STEAP4: variants seen among roughly 807,000 people sequenced by gnomAD.
STEAP4 encodes the protein STEAP4 metalloreductase.
In STEAP4, 36 loss-of-function variants were observed where a neutral mutation model predicts 43.6. The observed-to-expected ratio is 0.83, with a 90% CI of 0.63 to 1.09. The LOEUF (loss-of-function observed/expected upper bound fraction) is 1.09, where lower values mean the gene tolerates loss of function less well. Ranked by LOEUF, STEAP4 falls within the 50% of genes least tolerant of loss-of-function variation. STEAP4 has a pLI of 0.00. For synonymous variants in STEAP4, 191 were observed against 196.7 expected (o/e 0.97, Z 0.24); for missense variants, 495 against 546.5 (o/e 0.91, Z 0.94).
chr7:88,299,966 G>A (rs551856615), intron 1 of STEAP4, among the ~76,000 whole-genome samples: 2 of 152,152 alleles, frequency 1.3e-5, no homozygotes, highest in Non-Finnish European at 2.9e-5. Flanking sequence ...CTTCTAATAC[G>A]GCACTCAGAG....
In STEAP4 at chr7:88,274,713, C is replaced by G. The variant is rs1400279068; in HGVS notation, c.*4685G>C. 6.6e-6 allele frequency: 1 copy of G among 152,134 alleles called. No individual in the cohort carries two copies. Among genetic ancestry groups the G allele is most frequent in the African/African-American group, 2.4e-5 (1 of 41,416 alleles). The allele number at this position is 152,134 out of a possible 1,614,324, so 9.4% of individuals were successfully genotyped here. A position where few individuals can be genotyped will look rare whatever the true frequency, so the allele number is the denominator to read the frequency against. ...GTTATAGTTATTTCTTGATTATATG[C>G]TAAACAAGGGATGGATTATTCATGA... is the stretch of plus-strand genomic sequence containing the variant. On this transcript the variant is annotated 3_prime_UTR_variant, in exon 5 of 5. Transcript: ENST00000380079.
chr7:88,289,836 C>T (rs1283862523), intron 1 of STEAP4, among the ~76,000 whole-genome samples: 2 of 152,174 alleles, frequency 1.3e-5, no homozygotes, highest in Non-Finnish European at 1.5e-5. Context: ...AAATTTCTTA[C>T]TAGCATCTGC....
Position 88,272,413 on chromosome 7 carries a change from T to C in STEAP4, c.*6985A>G, listed in dbSNP as rs1472680513. On this transcript the variant is annotated 3_prime_UTR_variant, in exon 5 of 5. Transcript: ENST00000380079. ...CTACTCCATTCCCAGTATCTAATAA[T>C]TTGATGATTTTTAACTTCCAGTATA... 11 of 152,166 alleles carry C rather than the reference T, an allele frequency of 7.2e-5. No individual in the cohort carries two copies. The highest frequency in any genetic ancestry group is 1.6e-4 in the Non-Finnish European group (11 of 68,028). The allele number at this position is 152,166 out of a possible 1,614,324, so 9.4% of individuals were successfully genotyped here. A position where few individuals can be genotyped will look rare whatever the true frequency, so the allele number is the denominator to read the frequency against.
chr7:88,292,559 A>G (rs1852852445), intron 1 of STEAP4: 1 of 152,152 alleles, frequency 6.6e-6, no homozygotes, highest in African/African-American at 2.4e-5. Context: ...GTTTTATGCC[A>G]CTAGAGTACA....
At chr7:88,282,555 G>A in intron 3 of STEAP4, 86 bp downstream of exon 3, 1 of 1,265,826 alleles carries the variant, frequency 7.9e-7, no homozygotes, top group African/African-American at 1.5e-5. Flanking sequence ...TTAGAAGAGT[G>A]ACTTTCTATA....
rs548280316 is a variant in STEAP4, at chr7:88,279,274, G to C, written c.*124C>G. 2.6e-6 allele frequency: 2 copies of C among 773,228 alleles called. No homozygotes were observed. Among genetic ancestry groups the C allele is most frequent in the Non-Finnish European group, 2.1e-6 (1 of 482,786 alleles). 47.9% of individuals were successfully genotyped at this position (773,228 alleles called of 1,614,324 possible). On this transcript the variant is annotated 3_prime_UTR_variant, in exon 5 of 5. Coordinates refer to ENST00000380079, the MANE Select transcript of STEAP4 (RefSeq NM_024636.4). ...GACAAGCAATGTTTCCCTCAGTCAC[G>C]GTGTAAGAAAAAAACTTTCCTAACT...
intron 4 of STEAP4, 127 bp from the exon 5 acceptor site, chr7:88,279,755 T>A: frequency 1.4e-6 from 1 of 732,830 alleles, no homozygotes; most frequent in Non-Finnish European, 2.2e-6. Context: ...TAGGACACTT[T>A]GCCAAGTACT....
intron 1 of STEAP4, 58 bp from the exon 2 acceptor site, chr7:88,284,329 TAA>T: frequency 3.4e-6 from 4 of 1,184,282 alleles, no homozygotes; most frequent in East Asian, 2.4e-5. Flanking sequence ...CCTGGAAAAT[TAA>T]AGAGAGCTAT....
Position 88,279,451 on chromosome 7 carries a change from C to A in STEAP4, c.1327G>T (p.Asp443Tyr). 6.2e-7 allele frequency: 1 copy of A among 1,614,062 alleles called. No individual in the cohort carries two copies. Among genetic ancestry groups the A allele is most frequent in the South Asian group, 1.1e-5 (1 of 91,074 alleles). Residue 443 changes from aspartate (D) to tyrosine (Y), a missense_variant, in exon 5 of 5, where the codon GAC becomes TAC. Asp to Tyr is a radical substitution (Grantham distance 160). Transcript: ENST00000380079. Reference protein sequence around the residue: ...IKFVLIMPCVDNTLTRIRQGW... With the variant: ...IKFVLIMPCVYNTLTRIRQGW... ...TGGCGGATCCTTGTAAGGGTGTTGT[C>A]TACACATGGCATGATTAGGACAAAC...
chr7:88,293,398 C>G (rs1025900430), intron 1 of STEAP4, among the ~76,000 whole-genome samples: 4 of 140,896 alleles, frequency 2.8e-5, no homozygotes, highest in African/African-American at 5.2e-5. Flanking sequence ...TTTCTGCCAG[C>G]CTATAGCTTG....
chr7:88,299,647 G>C (rs951245155), intron 1 of STEAP4, among the ~76,000 whole-genome samples: 3 of 152,084 alleles, frequency 2.0e-5, no homozygotes, highest in African/African-American at 7.2e-5. Flanking sequence ...TGCTTTTCTA[G>C]GTCTATTGTG....
At chr7:88,293,112 A>G (rs1326652831) in intron 1 of STEAP4, 1 of 152,168 alleles carries the variant, frequency 6.6e-6, no homozygotes, top group Non-Finnish European at 1.5e-5. Flanking sequence ...ATGTGTACTA[A>G]TTTACCCCTT....
intron 1 of STEAP4, among the ~76,000 whole-genome samples, chr7:88,285,135 T>C (rs1288380341): frequency 6.6e-6 from 1 of 152,028 alleles, no homozygotes; most frequent in East Asian, 1.9e-4. Context: ...GTATCATACA[T>C]ACAAAAATAA....
intron 1 of STEAP4, among the ~76,000 whole-genome samples, chr7:88,285,904 A>G (rs368217361): frequency 1.3e-5 from 2 of 152,340 alleles, no homozygotes; most frequent in East Asian, 3.9e-4. Context: ...ATTATTTAAT[A>G]GCTAATGTTG....
At chr7:88,299,397 C>T (rs1852990877) in intron 1 of STEAP4, among the ~76,000 whole-genome samples, 1 of 152,228 alleles carries the variant, frequency 6.6e-6, no homozygotes. Flanking sequence ...AGTCGTGTCT[C>T]TGGGTTAATT....
chr7:88,298,707 A>G (rs1317402517), intron 1 of STEAP4, among the ~76,000 whole-genome samples: 1 of 152,206 alleles, frequency 6.6e-6, no homozygotes, highest in Non-Finnish European at 1.5e-5. Context: ...GTGATTTCCA[A>G]AATAAGTTCT....
intron 1 of STEAP4, chr7:88,304,457 C>T (rs1410130467): frequency 6.6e-6 from 1 of 151,938 alleles, no homozygotes; most frequent in Non-Finnish European, 1.5e-5. Flanking sequence ...AAACAAAATC[C>T]CACCCAGAAA....
rs1268756778 is a variant in STEAP4 at position 88,284,237 on chromosome 7, A to G, written c.33T>C (p.Leu11=). The change falls in exon 2 of 5, where the codon CTT becomes CTC. Residue 11 remains leucine, a synonymous_variant. Transcript: ENST00000380079. The part of the protein sequence containing the change: MEKTCIDALP[L]TMNSSEKQET... ...CTTGCTTTTCTGAAGAATTCATAGT[A>G]AGAGGAAGTGCATCTATACAAGTTT... 3.1e-6 allele frequency: 5 copies of G among 1,606,710 alleles called. No homozygotes were observed. In the African/African-American group the frequency reaches 5.4e-5, roughly 17 times the overall value.
intron 1 of STEAP4, among the ~76,000 whole-genome samples, chr7:88,300,540 T>A (rs1468512978): frequency 1.3e-5 from 2 of 152,230 alleles, no homozygotes; most frequent in Non-Finnish European, 2.9e-5. Flanking sequence ...CCACTGTGCC[T>A]GGCCTAGTTT....
Sources: allele counts gnomAD v4.1 joint callset (sites outside exome capture counted in the v4.1 genomes callset), GRCh38; gene constraint gnomAD v4.1.1; transcripts MANE v1.5; gene names NCBI Gene and HGNC (gene_info 2026-07-23, HGNC 2026-07-21).